Variants in RFC1 observed in about 807,000 individuals in gnomAD.
RFC1 encodes replication factor C subunit 1.
Under a neutral mutation model 137.4 loss-of-function variants are expected in RFC1, and 37 were observed. The observed-to-expected ratio is 0.27, with a 90% confidence interval of 0.21 to 0.35. The LOEUF (loss-of-function observed/expected upper bound fraction) is 0.35. RFC1 is among the 10% of genes least tolerant of loss of function. The pLI, the probability that RFC1 is intolerant of heterozygous loss-of-function variation, is 1.00. For synonymous variants in RFC1, 429 were observed against 455.7 expected, an observed-to-expected ratio of 0.94 and a Z score of 0.75; for missense variants, 1,205 against 1,358.5, an observed-to-expected ratio of 0.89 and a Z score of 1.78.
intron 7 of RFC1, chr4:39,322,203 C>A (rs887762697): frequency 6.6e-6 from 1 of 151,954 alleles, no homozygotes; most frequent in East Asian, 1.9e-4. Flanking sequence ...CTCAGGAGTT[C>A]AAAACCAGCT....
At chr4:39,289,732 A>AAACTT (rs1311919431) in intron 24 of RFC1, 116 bp downstream of exon 24, 2 of 721,890 alleles carry the variant, frequency 2.8e-6, no homozygotes, top group Non-Finnish European at 4.7e-6. Flanking sequence ...ATGAACAAAA[A>AAACTT]AACTTAAGAA....
At chr4:39,363,255 ATTTCT>A (rs1412559302) in intron 1 of RFC1, among the ~76,000 whole-genome samples, 2 of 152,106 alleles carry the variant, frequency 1.3e-5, no homozygotes, top group African/African-American at 2.4e-5. Flanking sequence ...TGGCTTCTTT[ATTTCT>A]TTTATTTTTA....
At chr4:39,311,701 AT>A (rs1253121195) in intron 11 of RFC1, 152 bp from the exon 12 acceptor site, 1 of 574,624 alleles carries the variant, frequency 1.7e-6, no homozygotes, top group Non-Finnish European at 3.1e-6. Flanking sequence ...AAAACAAAAA[AT>A]AGCACATTCA....
Position 39,289,993 on chromosome 4 carries a change from G to C in RFC1, c.3215C>G (p.Thr1072Ser). 6.2e-7 allele frequency: 1 copy of C among 1,613,786 alleles called. No homozygotes were observed. Among genetic ancestry groups the C allele is most frequent in the Non-Finnish European group, 8.5e-7 (1 of 1,179,776 alleles). The change falls in exon 24 of 25, where the codon ACT becomes AGT. Residue 1072 changes from threonine (T) to serine (S), a missense_variant. This residue lies in a region of RFC1 where 237 missense variants were observed against 304.2 expected (regional missense o/e 0.78). Transcript: ENST00000349703. ...TRAYNKEAHL[T>S]PYSLQAIKAS... Reference sequence around the variant, plus strand: ...CTTTATAGCTTGAAGTGAGTATGGAGTAAGGTGGGCTTCCTTATTGTAAGC... The same window carrying C: ...CTTTATAGCTTGAAGTGAGTATGGACTAAGGTGGGCTTCCTTATTGTAAGC...
At position 39,291,653 on chromosome 4, in the gene RFC1, T is replaced by C. The variant is rs775269581; in HGVS notation, c.3154A>G (p.Lys1052Glu). 4 of 1,613,240 alleles carry C rather than the reference T, an allele frequency of 2.5e-6. No individual in the cohort carries two copies. Among genetic ancestry groups the C allele is most frequent in the Non-Finnish European group, 3.4e-6 (4 of 1,179,212 alleles). Residue 1052 changes from lysine to glutamate, a missense_variant, in exon 23 of 25, where the codon AAG becomes GAG. Physicochemically the swap from Lys to Glu is moderately conservative, Grantham distance 56 (BLOSUM62 1). This residue lies in a region of RFC1 where 237 missense variants were observed against 304.2 expected (regional missense o/e 0.78). Coordinates refer to ENST00000349703, the MANE Select transcript of RFC1 (RefSeq NM_002913.5). ...SWGGKPSPFS[K>E]LDPKVKAAFT... ...ACATGATTTACCTTGGGATCCAGCT[T>C]TGAAAAGGGACTAGGTTTGCCACCC... is the stretch of plus-strand genomic sequence containing the variant.
chr4:39,325,652 G>A (rs1411691411), intron 6 of RFC1, among the ~76,000 whole-genome samples: 1 of 152,060 alleles, frequency 6.6e-6, no homozygotes, highest in Non-Finnish European at 1.5e-5. Context: ...CAAAGTGCTG[G>A]GATTACAGGC....
intron 7 of RFC1, among the ~76,000 whole-genome samples, chr4:39,322,978 G>A (rs1006575601): frequency 2.0e-5 from 3 of 151,892 alleles, no homozygotes; most frequent in East Asian, 3.9e-4. Context: ...TCAGCTACTC[G>A]GGAGGCTGAG....
intron 24 of RFC1, among the ~76,000 whole-genome samples, chr4:39,289,289 G>C (rs17288813): frequency 6.4e-4 from 97 of 152,304 alleles, no homozygotes; most frequent in South Asian, 4.1e-3. Context: ...CGACATGGGA[G>C]CCACAGTGAA....
At chr4:39,298,854 C>T (rs1024459667) in intron 21 of RFC1, among the ~76,000 whole-genome samples, 1 of 152,188 alleles carries the variant, frequency 6.6e-6, no homozygotes, top group African/African-American at 2.4e-5. Flanking sequence ...CGCAGTGGCT[C>T]ATGCCTGTAA....
At chr4:39,299,929 CAAAAT>C (rs1738256721) in intron 21 of RFC1, 87 bp downstream of exon 21, 2 of 797,956 alleles carry the variant, frequency 2.5e-6, no homozygotes, top group Non-Finnish European at 4.2e-6. Flanking sequence ...ATAAAGTAAA[CAAAAT>C]AAAATAAAAT....
rs757962310 is a variant in RFC1 at position 39,300,057 on chromosome 4, G to T, written c.2772C>A (p.Ile924=). 2 of 1,614,072 alleles carry T rather than the reference G, an allele frequency of 1.2e-6. No individual in the cohort carries two copies. The highest frequency in any genetic ancestry group is 4.5e-5 in the East Asian group (2 of 44,894). Residue 924 remains isoleucine, a synonymous_variant, in exon 21 of 25, where the codon ATC becomes ATA. Transcript: ENST00000349703. ...GAAGACTCCAGTTTTGCTTACTCCG[G>T]ATCTGGCTGTCCACTAGGTCACCAT... ...ICDGDLVDSQ[I]RSKQNWSLLP...
At position 39,327,674 on chromosome 4, in the gene RFC1, T is replaced by C. The variant is rs759613410; in HGVS notation, c.414A>G (p.Thr138=). 6 of 1,613,646 alleles carry C rather than the reference T, an allele frequency of 3.7e-6. No individual in the cohort carries two copies. The South Asian group carries it at 6.6e-5, about 18-fold the overall frequency. The change falls in exon 5 of 25, where the codon ACA becomes ACG. Residue 138 remains threonine (T), a synonymous_variant. Coordinates refer to ENST00000349703, the MANE Select transcript of RFC1 (RefSeq NM_002913.5). ...TTTCTTCATTCTTTTTCATGTTTGATGTTCCAAGATGACTATTTGTAGATC... is the reference window on the plus strand; with the variant it reads ...TTTCTTCATTCTTTTTCATGTTTGACGTTCCAAGATGACTATTTGTAGATC... ...NGRSTNSHLG[T]SNMKKNEENT...
intron 2 of RFC1, among the ~76,000 whole-genome samples, chr4:39,347,351 C>T (rs1740907587): frequency 6.6e-6 from 1 of 152,178 alleles, no homozygotes; most frequent in African/African-American, 2.4e-5. Flanking sequence ...TTCCTCCTGC[C>T]CGACTGCCTT....
rs1035946586 is a variant in RFC1 at position 39,288,497 on chromosome 4, T to G, written c.*264A>C. 1 of 301,108 alleles carries G rather than the reference T, an allele frequency of 3.3e-6. No homozygotes were observed. The highest frequency in any genetic ancestry group is 2.2e-5 in the African/African-American group (1 of 46,136). The allele number at this position is 301,108 out of a possible 1,614,324, so 18.7% of individuals were successfully genotyped here. ...CCCAGGTGTAGTTTCTAGTTCCAATTCTACAGTCATTCAGAAGCACGTCTA... is the reference window on the plus strand; with the variant it reads ...CCCAGGTGTAGTTTCTAGTTCCAATGCTACAGTCATTCAGAAGCACGTCTA... On this transcript the variant is annotated 3_prime_UTR_variant, in exon 25 of 25. Coordinates refer to ENST00000349703, the MANE Select transcript of RFC1 (RefSeq NM_002913.5).
intron 2 of RFC1, 74 bp downstream of exon 2, chr4:39,351,274 A>ACTT: frequency 1.6e-6 from 1 of 644,304 alleles, no homozygotes; most frequent in Non-Finnish European, 2.2e-6. Context: ...AAAAAAAAAA[A>ACTT]AAAAAAAAAA....
At chr4:39,352,132 C>T (rs1425058256) in intron 1 of RFC1, among the ~76,000 whole-genome samples, 1 of 152,048 alleles carries the variant, frequency 6.6e-6, no homozygotes, top group African/African-American at 2.4e-5. Flanking sequence ...CATGCACATA[C>T]ACATACACAT....
At chr4:39,325,411 A>C (rs948514910) in intron 6 of RFC1, among the ~76,000 whole-genome samples, 3 of 152,154 alleles carry the variant, frequency 2.0e-5, no homozygotes, top group Non-Finnish European at 4.4e-5. Context: ...GAGACAAGGT[A>C]TTGCTCTGTC....
In RFC1 at chr4:39,348,424, A is replaced by G. The variant is rs550831440; in HGVS notation, c.132+2924T>C. Among the ~76,000 whole-genome samples, 371 of 71,724 alleles carry G rather than the reference A, an allele frequency of 5.2e-3. 4 individuals are homozygous for G. The highest frequency in any genetic ancestry group is 9.6e-3 in the African/African-American group (198 of 20,602). The allele number at this position is 71,724 out of a possible 152,430, so 47.1% of individuals were successfully genotyped here. A position where few individuals can be genotyped will look rare whatever the true frequency, so the allele number is the denominator to read the frequency against. On this transcript the variant is annotated intron_variant, in intron 2 of 24. Coordinates refer to ENST00000349703, the MANE Select transcript of RFC1 (RefSeq NM_002913.5). ...GGCAACAGAGCAAGACTCTGTTTCA[A>G]AAAAGAAAAGAAAAGAAAAGAAAAG... is the stretch of plus-strand genomic sequence containing the variant.
intron 19 of RFC1, among the ~76,000 whole-genome samples, chr4:39,301,101 C>A (rs1438491858): frequency 3.7e-4 from 55 of 148,164 alleles, no homozygotes; most frequent in African/African-American, 9.6e-4. Context: ...AAAAAAAAAA[C>A]CAAAAAAAAC....
Sources: gnomAD v4.1 joint callset for allele counts (sites outside exome capture counted in the v4.1 genomes callset) on GRCh38, gnomAD v4.1.1 for gene constraint, gnomAD v4.1.1 regional missense constraint, MANE v1.5 for transcripts, NCBI Gene and HGNC (gene_info 2026-07-23, HGNC 2026-07-21) for gene names.